Variants in HEATR5A observed in about 807,000 individuals in gnomAD.
HEATR5A encodes the protein HEAT repeat-containing protein 5A.
A neutral mutation model predicts 218.8 loss-of-function variants in HEATR5A; 178 were observed. The ratio of observed to expected loss-of-function variants is 0.81; its 90% CI spans 0.72 to 0.92. The LOEUF is 0.92. Among genes scored for constraint, HEATR5A ranks in the 40% least tolerant of loss-of-function variants. HEATR5A has a pLI of 0.00. For missense variants in HEATR5A, 2,420 were observed against 2,418.9 expected, an observed-to-expected ratio of 1.00 and a Z score of -0.01; for synonymous variants, 864 against 871.6, an observed-to-expected ratio of 0.99 and a Z score of 0.15.
intron 1 of HEATR5A, among the ~76,000 whole-genome samples, chr14:31,414,611 G>GC (rs932570235): frequency 5.3e-5 from 8 of 152,108 alleles, no homozygotes; most frequent in Non-Finnish European, 2.9e-5. Flanking sequence ...AGAAATTCTT[G>GC]CCCCCTTTTA....
rs147734384 is a variant in HEATR5A at position 31,333,395 on chromosome 14, C to T, written c.3367+4081G>A. ...TCCTGAGTAGCTGGGATTACAGGCA[C>T]CCACCATCATCACATCCGGCTAATT... is the stretch of plus-strand genomic sequence containing the variant. On this transcript the variant is annotated intron_variant, in intron 22 of 35. Coordinates refer to ENST00000543095, the MANE Select transcript of HEATR5A (RefSeq NM_015473.4). Among the ~76,000 whole-genome samples the T allele has an allele frequency of 2.9e-3, 443 of 151,996 alleles. 12 individuals carry two copies. In the East Asian group the frequency reaches 0.065, roughly 22 times the overall value.
chr14:31,414,331 T>A (rs932598111), intron 1 of HEATR5A, among the ~76,000 whole-genome samples: 6 of 152,216 alleles, frequency 3.9e-5, no homozygotes, highest in Admixed American at 3.9e-4. Flanking sequence ...TCAGAACTCG[T>A]GGATTTTACT....
intron 17 of HEATR5A, 48 bp from the exon 18 acceptor site, chr14:31,350,027 C>A: frequency 7.7e-7 from 1 of 1,290,906 alleles, no homozygotes; most frequent in South Asian, 1.6e-5. Context: ...AGTAAATTCT[C>A]ATATCCAGTT....
chr14:31,353,191 A>G (rs1441812822), intron 16 of HEATR5A, among the ~76,000 whole-genome samples: 1 of 152,056 alleles, frequency 6.6e-6, no homozygotes, highest in Non-Finnish European at 1.5e-5. Flanking sequence ...TCCCTTAGAC[A>G]TATGAGTAAA....
chr14:31,312,320 CAATG>C (rs1899781487), intron 28 of HEATR5A, among the ~76,000 whole-genome samples: 2 of 151,592 alleles, frequency 1.3e-5, no homozygotes, highest in Non-Finnish European at 2.9e-5. Flanking sequence ...GAAAATAAAA[CAATG>C]AAATATTTCA....
chr14:31,405,059 CAAAA>C (rs386381028), intron 1 of HEATR5A, among the ~76,000 whole-genome samples: 3 of 97,904 alleles, frequency 3.1e-5, no homozygotes, highest in South Asian at 4.3e-4. Flanking sequence ...CTGTCTCCAC[CAAAA>C]AAAAAAAAAA....
chr14:31,330,379 G>A (rs748907155), intron 22 of HEATR5A, among the ~76,000 whole-genome samples: 7 of 152,142 alleles, frequency 4.6e-5, no homozygotes, highest in East Asian at 1.9e-4. Context: ...CACAGAGCAC[G>A]GGGACCCTGG....
At chr14:31,416,603 T>C (rs1470847375) in intron 1 of HEATR5A, among the ~76,000 whole-genome samples, 1 of 151,750 alleles carries the variant, frequency 6.6e-6, no homozygotes, top group Non-Finnish European at 1.5e-5. Flanking sequence ...TTTGTGTTGT[T>C]ACCATTAAAA....
chr14:31,301,858 T>A (rs1247887533), intron 33 of HEATR5A, among the ~76,000 whole-genome samples: 1 of 132,194 alleles, frequency 7.6e-6, no homozygotes, highest in East Asian at 2.4e-4. Flanking sequence ...CGCTCTGTTG[T>A]CCAGGCTGGA....
chr14:31,293,812 CTG>C (rs969630949), intron 35 of HEATR5A, 77 bp downstream of exon 35: 127 of 1,217,006 alleles, frequency 1.0e-4, no homozygotes, highest in Middle Eastern at 7.6e-4. Context: ...TATAATGTGA[CTG>C]ATTGTTTTGC....
intron 21 of HEATR5A, among the ~76,000 whole-genome samples, chr14:31,338,756 T>A (rs1320143248): frequency 6.6e-6 from 1 of 152,062 alleles, no homozygotes; most frequent in Non-Finnish European, 1.5e-5. Flanking sequence ...GTAGGTGAAG[T>A]TTTATAAAGA....
In HEATR5A at chr14:31,307,828, C is replaced by T. The variant is rs1344191483; in HGVS notation, c.4818+65G>A. On this transcript the variant is annotated intron_variant, in intron 30 of 35. Coordinates refer to ENST00000543095, the MANE Select transcript of HEATR5A (RefSeq NM_015473.4). ...GTTTACTTTCTGTTAACTATAGAAA[C>T]CTGAACATGTTTCTCTTCCTTAAAG... 9 of 1,548,290 alleles carry T rather than the reference C, an allele frequency of 5.8e-6. No homozygotes were observed. In the African/African-American group the frequency reaches 7.0e-5, roughly 12 times the overall value.
chr14:31,388,971 C>G lies in HEATR5A; in HGVS notation c.807G>C (p.Leu269Phe), dbSNP rs546024824. Reference protein sequence around the residue: ...ASRQSIRRVSLEEVLELLGTG... With the variant: ...ASRQSIRRVSFEEVLELLGTG... ...TTCCTAGTAATTCCAGAACTTCCTC[C>G]AAAGATACTCTGCGAATGCTTTGAC... Residue 269 changes from leucine to phenylalanine, a missense_variant, in exon 7 of 36, where the codon TTG becomes TTC. Coordinates refer to ENST00000543095, the MANE Select transcript of HEATR5A (RefSeq NM_015473.4). 4 of 1,613,480 alleles carry G rather than the reference C, an allele frequency of 2.5e-6. No homozygotes were observed. In the Admixed American group the frequency reaches 6.7e-5, roughly 27 times the overall value.
chr14:31,331,886 C>G (rs1362322544), intron 22 of HEATR5A, among the ~76,000 whole-genome samples: 1 of 152,180 alleles, frequency 6.6e-6, no homozygotes, highest in African/African-American at 2.4e-5. Context: ...GAAAACCGCT[C>G]CCATGATCCA....
chr14:31,298,590 C>T (rs1204690973), intron 33 of HEATR5A, among the ~76,000 whole-genome samples: 1 of 152,122 alleles, frequency 6.6e-6, no homozygotes, highest in African/African-American at 2.4e-5. Flanking sequence ...GCCACACTGG[C>T]CAGCCCTCAA....
At chr14:31,353,981 A>G (rs1327900257) in intron 16 of HEATR5A, among the ~76,000 whole-genome samples, 2 of 151,834 alleles carry the variant, frequency 1.3e-5, no homozygotes, top group African/African-American at 2.4e-5. Context: ...TTTTATTTTT[A>G]GTAGAGACGG....
At chr14:31,345,009 G>A (rs1036036678) in intron 20 of HEATR5A, 78 bp downstream of exon 20, 2 of 1,189,512 alleles carry the variant, frequency 1.7e-6, no homozygotes, top group East Asian at 2.4e-5. Context: ...CACGTGCCAA[G>A]CATACAGACT....
At chr14:31,336,250 A>ATATATATATATATATATG (rs1900663777) in intron 22 of HEATR5A, among the ~76,000 whole-genome samples, 1 of 89,770 alleles carries the variant, frequency 1.1e-5, no homozygotes, top group Non-Finnish European at 2.3e-5. Context: ...ATATATATAT[A>ATATATATATATATATATG]TATATATATA....
intron 33 of HEATR5A, 100 bp downstream of exon 33, chr14:31,302,195 G>T: frequency 1.2e-6 from 1 of 822,298 alleles, no homozygotes; most frequent in Non-Finnish European, 2.0e-6. Context: ...TCCTCTAGGT[G>T]ATATGGCCAA....
Sources: gnomAD v4.1 joint callset for allele counts (sites outside exome capture counted in the v4.1 genomes callset) on GRCh38, gnomAD v4.1.1 for gene constraint, MANE v1.5 for transcripts, NCBI Gene and HGNC (gene_info 2026-07-23, HGNC 2026-07-21) for gene names.